PLCB4: variants seen among roughly 807,000 people sequenced by gnomAD.
PLCB4 encodes the protein 1-phosphatidylinositol 4,5-bisphosphate phosphodiesterase beta-4.
A neutral mutation model predicts 178.8 loss-of-function variants in PLCB4; 77 were observed. That is an observed-to-expected ratio of 0.43 (90% confidence interval 0.36 to 0.52). PLCB4 has a LOEUF of 0.52. PLCB4 is among the 20% of genes least tolerant of loss of function. PLCB4 has a pLI of 0.00. For missense variants in PLCB4, 1,024 were observed against 1,453.4 expected, an observed-to-expected ratio of 0.70 and a Z score of 4.80; for synonymous variants, 496 against 490.8, an observed-to-expected ratio of 1.01 and a Z score of -0.14.
intron 28 of PLCB4, among the ~76,000 whole-genome samples, 197 bp downstream of exon 28, chr20:9,424,149 C>T (rs1434794869): frequency 3.3e-5 from 5 of 152,032 alleles, no homozygotes; most frequent in Non-Finnish European, 5.9e-5. Flanking sequence ...AAGTACAAAA[C>T]GAGATGATCT....
intron 3 of PLCB4, among the ~76,000 whole-genome samples, chr20:9,289,259 G>A (rs889786496): frequency 2.6e-5 from 4 of 152,018 alleles, no homozygotes; most frequent in African/African-American, 4.8e-5. Flanking sequence ...TCCCCAAATA[G>A]CATTGTAGAC....
chr20:9,468,289 A>AG (rs1419722370), intron 35 of PLCB4, among the ~76,000 whole-genome samples: 1 of 152,008 alleles, frequency 6.6e-6, no homozygotes, highest in African/African-American at 2.4e-5. Flanking sequence ...AATAATAGAA[A>AG]GAAAAAAAAA....
chr20:9,423,353 A>G (rs1340193193), intron 27 of PLCB4, among the ~76,000 whole-genome samples: 1 of 152,244 alleles, frequency 6.6e-6, no homozygotes, highest in Non-Finnish European at 1.5e-5. Flanking sequence ...TGTCAGCAAT[A>G]TGCCAGATAT....
chr20:9,277,236 G>A lies in PLCB4; in HGVS notation c.-15-30564G>A, dbSNP rs369024903. Among the ~76,000 whole-genome samples the A allele has an allele frequency of 1.6e-3, 247 of 152,148 alleles. 2 individuals are homozygous for A. Among genetic ancestry groups the A allele is most frequent in the Middle Eastern group, 0.01 (3 of 294 alleles). ...TGTTTAACCTAGAAAGGACTACTTA[G>A]CAACATAATATTGAAAGACCGCTCA... On this transcript the variant is annotated intron_variant, in intron 3 of 39. Transcript: ENST00000378473.
chr20:9,197,205 C>A (rs1389227998), intron 2 of PLCB4, among the ~76,000 whole-genome samples: 1 of 152,170 alleles, frequency 6.6e-6, no homozygotes, highest in African/African-American at 2.4e-5. Flanking sequence ...CTTCTGATCA[C>A]CTGGTTGTAA....
At chr20:9,158,432 A>ATT (rs371785974) in intron 2 of PLCB4, among the ~76,000 whole-genome samples, 25,834 of 139,938 alleles carry the variant, frequency 0.18, 2,319 homozygotes, top group African/African-American at 0.2. Flanking sequence ...CACCTGGCTA[A>ATT]TTTTTTTTTT....
intron 28 of PLCB4, among the ~76,000 whole-genome samples, chr20:9,425,559 A>G (rs141888749): frequency 1.3e-5 from 2 of 152,274 alleles, no homozygotes; most frequent in Admixed American, 1.3e-4. Context: ...TCTGTGCTGC[A>G]GAAACATCTG....
chr20:9,162,606 A>G (rs989320351), intron 2 of PLCB4, among the ~76,000 whole-genome samples: 1 of 152,236 alleles, frequency 6.6e-6, no homozygotes, highest in Non-Finnish European at 1.5e-5. Flanking sequence ...CATGTTTACT[A>G]GTCCTATAGT....
At chr20:9,150,628 A>C (rs1430895893) in intron 2 of PLCB4, among the ~76,000 whole-genome samples, 1 of 152,054 alleles carries the variant, frequency 6.6e-6, no homozygotes, top group East Asian at 1.9e-4. Flanking sequence ...GGATGACTCT[A>C]AGGTGCTGAG....
chr20:9,441,992 C>A (rs1028653333), intron 30 of PLCB4, among the ~76,000 whole-genome samples: 2 of 151,342 alleles, frequency 1.3e-5, no homozygotes, highest in South Asian at 4.2e-4. Flanking sequence ...TAAGAGAAAA[C>A]AAGTTATTGT....
chr20:9,311,677 G>C (rs1175861567), intron 4 of PLCB4, among the ~76,000 whole-genome samples: 2 of 152,146 alleles, frequency 1.3e-5, no homozygotes, highest in East Asian at 3.9e-4. Flanking sequence ...TCCTGGAGCT[G>C]TTTGGCTCCC....
intron 4 of PLCB4, among the ~76,000 whole-genome samples, chr20:9,330,089 C>A (rs1183203201): frequency 6.6e-6 from 1 of 152,096 alleles, no homozygotes; most frequent in Admixed American, 6.5e-5. Context: ...TAAAGCATTT[C>A]CCTGGAATAA....
chr20:9,150,664 G>A (rs1274786244), intron 2 of PLCB4, among the ~76,000 whole-genome samples: 3 of 152,112 alleles, frequency 2.0e-5, no homozygotes, highest in Admixed American at 2.0e-4. Flanking sequence ...GGAGGCCTGA[G>A]GTCAGTGAAG....
At chr20:9,073,440 T>C (rs1318733780) in intron 1 of PLCB4, among the ~76,000 whole-genome samples, 1 of 152,232 alleles carries the variant, frequency 6.6e-6, no homozygotes. Flanking sequence ...GGGCAGGTGT[T>C]AGGGCTACTA....
At chr20:9,321,725 C>T (rs2094960374) in intron 4 of PLCB4, among the ~76,000 whole-genome samples, 1 of 152,114 alleles carries the variant, frequency 6.6e-6, no homozygotes, top group African/African-American at 2.4e-5. Context: ...CCTCTGCCCC[C>T]CAAGTTCAAG....
intron 8 of PLCB4, among the ~76,000 whole-genome samples, chr20:9,363,778 A>G (rs985253217): frequency 3.3e-5 from 5 of 152,238 alleles, no homozygotes; most frequent in Non-Finnish European, 5.9e-5. Flanking sequence ...AAGGGGAACC[A>G]TGTTGAGAAA....
intron 1 of PLCB4, among the ~76,000 whole-genome samples, chr20:9,073,608 G>C (rs896420046): frequency 6.6e-6 from 1 of 152,270 alleles, no homozygotes; most frequent in Middle Eastern, 3.4e-3. Flanking sequence ...GCTGGGCCAG[G>C]CATGCTGGCT....
chr20:9,465,638 T>A (rs979176460), intron 35 of PLCB4, among the ~76,000 whole-genome samples: 1 of 152,140 alleles, frequency 6.6e-6, no homozygotes, highest in Admixed American at 6.5e-5. Context: ...TATACACCAA[T>A]GACAGACAAC....
intron 38 of PLCB4, among the ~76,000 whole-genome samples, chr20:9,475,601 A>G (rs1277576437): frequency 6.6e-6 from 1 of 152,228 alleles, no homozygotes; most frequent in East Asian, 1.9e-4. Flanking sequence ...GACATTCAAG[A>G]TATCATACTG....
Sources: allele counts gnomAD v4.1 joint callset (sites outside exome capture counted in the v4.1 genomes callset), GRCh38; gene constraint gnomAD v4.1.1; transcripts MANE v1.5; gene names NCBI Gene and HGNC (gene_info 2026-07-23, HGNC 2026-07-21).